The following IQCM variants were observed in gnomAD, a reference collection of about 807,000 sequenced individuals.
IQCM encodes the protein IQ motif containing M.
Under a neutral mutation model 57.6 loss-of-function variants are expected in IQCM, and 45 were observed. That is an observed-to-expected ratio of 0.78 (90% CI 0.62 to 1.00). The LOEUF (loss-of-function observed/expected upper bound fraction) is 1.00, where lower values mean the gene tolerates loss of function less well. Ranked by LOEUF, IQCM falls within the 50% of genes least tolerant of loss-of-function variation. IQCM has a pLI of 0.00. For missense variants in IQCM, 468 were observed against 511.6 expected (o/e 0.91, Z 0.82); for synonymous variants, 148 against 158.9 (o/e 0.93, Z 0.51).
chr4:149,647,234 T>TAC (rs1758724283), intron 7 of IQCM, among the ~76,000 whole-genome samples: 1 of 152,200 alleles, frequency 6.6e-6, no homozygotes, highest in African/African-American at 2.4e-5. Context: ...TACCTTAACT[T>TAC]ATATGTTAAT....
chr4:149,648,326 G>A (rs552592471), intron 7 of IQCM, among the ~76,000 whole-genome samples: 2 of 152,232 alleles, frequency 1.3e-5, no homozygotes, highest in African/African-American at 4.8e-5. Flanking sequence ...GTAGTTTGCT[G>A]AGAATGATGG....
intron 12 of IQCM, among the ~76,000 whole-genome samples, chr4:149,476,669 G>C (rs1174332753): frequency 6.6e-6 from 1 of 152,096 alleles, no homozygotes; most frequent in Non-Finnish European, 1.5e-5. Flanking sequence ...GGTAGAGGAG[G>C]CTGGATCCCA....
At chr4:149,707,848 G>T (rs1018332885) in intron 5 of IQCM, among the ~76,000 whole-genome samples, 1 of 151,974 alleles carries the variant, frequency 6.6e-6, no homozygotes, top group Non-Finnish European at 1.5e-5. Flanking sequence ...CTATGGAGAG[G>T]CTTAGTAAAT....
At chr4:149,719,578 T>A (rs1388166597) in intron 5 of IQCM, among the ~76,000 whole-genome samples, 1 of 152,180 alleles carries the variant, frequency 6.6e-6, no homozygotes, top group Admixed American at 6.5e-5. Flanking sequence ...AGCTAAAGTT[T>A]ATCTTCAGCA....
chr4:149,784,703 C>T (rs1228505185), intron 2 of IQCM, among the ~76,000 whole-genome samples: 1 of 152,248 alleles, frequency 6.6e-6, no homozygotes, highest in Middle Eastern at 3.4e-3. Context: ...TGTGAGCCAC[C>T]GCGCCCGGCC....
intron 13 of IQCM, among the ~76,000 whole-genome samples, chr4:149,366,031 A>T (rs963574683): frequency 6.6e-6 from 1 of 152,100 alleles, no homozygotes; most frequent in African/African-American, 2.4e-5. Context: ...CATAGATGTT[A>T]ATAGGAGAAG....
At chr4:149,497,931 A>G (rs1742843442) in intron 12 of IQCM, among the ~76,000 whole-genome samples, 2 of 152,048 alleles carry the variant, frequency 1.3e-5, no homozygotes, top group South Asian at 4.1e-4. Context: ...CTGCCACCAA[A>G]TTGTAACTGA....
At position 149,592,476 on chromosome 4, in the gene IQCM, T is replaced by C. The variant is rs1402347921; in HGVS notation, c.682-4479A>G. On this transcript the variant is annotated intron_variant, in intron 8 of 13. Transcript: ENST00000636793. Reference sequence around the variant, plus strand: ...CTTTAGTTTAATTAGATCCCATTTGTCAATTTTGGCTTTTGTTGCCATTGC... The same window carrying C: ...CTTTAGTTTAATTAGATCCCATTTGCCAATTTTGGCTTTTGTTGCCATTGC... Among the ~76,000 whole-genome samples, 6 of 152,102 alleles carry C rather than the reference T, an allele frequency of 3.9e-5. No individual in the cohort carries two copies. The East Asian group carries it at 1.2e-3, about 29-fold the overall frequency.
chr4:149,618,803 C>G (rs899751903), intron 8 of IQCM, among the ~76,000 whole-genome samples: 36 of 152,074 alleles, frequency 2.4e-4, no homozygotes, highest in African/African-American at 8.7e-4. Context: ...TTACACATCA[C>G]AGTGGCTATT....
intron 13 of IQCM, among the ~76,000 whole-genome samples, chr4:149,382,002 T>G (rs1204360461): frequency 6.6e-6 from 1 of 152,160 alleles, no homozygotes; most frequent in Non-Finnish European, 1.5e-5. Flanking sequence ...TGACCTCATG[T>G]GATCCACCTG....
chr4:149,652,148 G>C (rs953131171), intron 7 of IQCM, among the ~76,000 whole-genome samples: 2 of 152,140 alleles, frequency 1.3e-5, no homozygotes, highest in African/African-American at 2.4e-5. Flanking sequence ...CATGTCCTCT[G>C]TAGGGACATG....
chr4:149,763,553 T>C (rs1424695349), intron 2 of IQCM, among the ~76,000 whole-genome samples: 1 of 152,126 alleles, frequency 6.6e-6, no homozygotes, highest in Non-Finnish European at 1.5e-5. Flanking sequence ...CCCCAGAGTA[T>C]GACTGTTACT....
At chr4:149,736,403 A>C (rs1245266198) in intron 3 of IQCM, among the ~76,000 whole-genome samples, 1 of 152,176 alleles carries the variant, frequency 6.6e-6, no homozygotes, top group Admixed American at 6.6e-5. Flanking sequence ...AAATACTAAA[A>C]ATGGAATTGT....
intron 12 of IQCM, among the ~76,000 whole-genome samples, chr4:149,541,563 T>C (rs1747854228): frequency 6.6e-6 from 1 of 152,112 alleles, no homozygotes; most frequent in East Asian, 1.9e-4. Context: ...CTTTTTGATA[T>C]GCTCTTCTCT....
rs187650795 is a variant in IQCM, at chr4:149,453,318, C to T, written c.1229-19761G>A. ...GGCAATGGTTTCCTAAATATAACAACACCAAACTCACAATGACAAAAGACA... is the reference window on the plus strand; with the variant it reads ...GGCAATGGTTTCCTAAATATAACAATACCAAACTCACAATGACAAAAGACA... On this transcript the variant is annotated intron_variant, in intron 12 of 13. Coordinates refer to ENST00000636793, the MANE Select transcript of IQCM (RefSeq NM_001363507.2). Among the ~76,000 whole-genome samples, 3 of 151,766 alleles carry T rather than the reference C, an allele frequency of 2.0e-5. No individual in the cohort carries two copies. In the East Asian group the frequency reaches 5.8e-4, roughly 30 times the overall value.
intron 4 of IQCM, among the ~76,000 whole-genome samples, chr4:149,735,133 T>A (rs1026958603): frequency 7.2e-5 from 11 of 152,204 alleles, no homozygotes; most frequent in African/African-American, 2.4e-4. Context: ...AAAATTTAAA[T>A]TGTATTAAAT....
chr4:149,473,019 A>C (rs566279354), intron 12 of IQCM, among the ~76,000 whole-genome samples: 6 of 152,194 alleles, frequency 3.9e-5, no homozygotes, highest in Admixed American at 6.6e-5. Flanking sequence ...CCATAAAAAC[A>C]CTAGAAGAAA....
Position 149,360,326 on chromosome 4 carries a change from A to G in IQCM, c.1391-8260T>C, listed in dbSNP as rs117356698. The stretch of plus-strand genomic sequence containing the variant: ...TATTTACATTGTATTAGGTATTGTA[A>G]GTAATCTAGAGAACAATTTAAAGTA... On this transcript the variant is annotated intron_variant, in intron 13 of 13. Coordinates refer to ENST00000636793, the MANE Select transcript of IQCM (RefSeq NM_001363507.2). 9.3e-4 allele frequency among the ~76,000 whole-genome samples: 142 copies of G among 152,366 alleles called. 2 individuals are homozygous for G. In the East Asian group the frequency reaches 0.024, roughly 26 times the overall value.
intron 9 of IQCM, among the ~76,000 whole-genome samples, chr4:149,567,639 G>A (rs990088202): frequency 3.3e-5 from 5 of 151,928 alleles, no homozygotes; most frequent in Admixed American, 1.3e-4. Flanking sequence ...GAGCCACGGT[G>A]CAGGGCCTCA....
Sources: allele counts gnomAD v4.1 joint callset (sites outside exome capture counted in the v4.1 genomes callset), GRCh38; gene constraint gnomAD v4.1.1; transcripts MANE v1.5; gene names NCBI Gene and HGNC (gene_info 2026-07-23, HGNC 2026-07-21).